Variants in KALRN observed in about 807,000 individuals in gnomAD.
KALRN encodes the protein kalirin.
A neutral mutation model predicts 353.7 loss-of-function variants in KALRN; 70 were observed. The observed-to-expected ratio is 0.20, with a 90% CI of 0.16 to 0.24. The LOEUF (loss-of-function observed/expected upper bound fraction) is 0.24, where lower values mean the gene tolerates loss of function less well. Among genes scored for constraint, KALRN ranks in the 10% least tolerant of loss-of-function variants. The pLI, the probability that KALRN is intolerant of heterozygous loss-of-function variation, is 1.00. For synonymous variants in KALRN, 1,391 were observed against 1,434.8 expected (o/e 0.97, Z 0.69); for missense variants, 2,791 against 3,756.7 (o/e 0.74, Z 6.72).
intron 5 of KALRN, among the ~76,000 whole-genome samples, chr3:124,270,526 A>T (rs535317302): frequency 2.6e-5 from 4 of 152,152 alleles, no homozygotes; most frequent in African/African-American, 9.6e-5. Flanking sequence ...TAGTATATGC[A>T]GTTTTTTTAA....
intron 54 of KALRN, 90 bp downstream of exon 54, chr3:124,696,345 A>T (rs1415401414): frequency 1.5e-6 from 2 of 1,311,096 alleles, no homozygotes; most frequent in South Asian, 1.5e-5. Flanking sequence ...ATCTCTGTTC[A>T]TGGCAGCCTT....
At chr3:124,485,885 AAAG>A (rs763433438) in intron 28 of KALRN, among the ~76,000 whole-genome samples, 43 of 152,228 alleles carry the variant, frequency 2.8e-4, no homozygotes, top group East Asian at 1.9e-4. Context: ...GTCTCAAAAA[AAAG>A]AAGAAGATAG....
intron 10 of KALRN, among the ~76,000 whole-genome samples, chr3:124,366,728 C>A (rs913657901): frequency 6.6e-6 from 1 of 152,154 alleles, no homozygotes; most frequent in Non-Finnish European, 1.5e-5. Flanking sequence ...GGCACACCTC[C>A]CAGACGGGGT....
At chr3:124,591,118 G>A (rs961090960) in intron 34 of KALRN, among the ~76,000 whole-genome samples, 2 of 152,168 alleles carry the variant, frequency 1.3e-5, no homozygotes, top group Non-Finnish European at 2.9e-5. Flanking sequence ...AAATGTACCT[G>A]CTTTCAAATG....
intron 3 of KALRN, among the ~76,000 whole-genome samples, chr3:124,236,830 C>A (rs2079833766): frequency 6.6e-6 from 1 of 152,182 alleles, no homozygotes; most frequent in Non-Finnish European, 1.5e-5. Flanking sequence ...ACACAAGATG[C>A]AGGCTCTCTG....
chr3:124,388,123 TC>T (rs2149983321), intron 11 of KALRN, among the ~76,000 whole-genome samples: 1 of 152,234 alleles, frequency 6.6e-6, no homozygotes, highest in Admixed American at 6.5e-5. Context: ...AGGTCTGATT[TC>T]CAGATCTATT....
At chr3:124,564,654 TG>T (rs1351874442) in intron 34 of KALRN, among the ~76,000 whole-genome samples, 5 of 152,218 alleles carry the variant, frequency 3.3e-5, no homozygotes, top group Non-Finnish European at 5.9e-5. Flanking sequence ...CACTCCAGAC[TG>T]GGTGACAGAG....
chr3:124,410,211 C>A (rs1017029126), intron 13 of KALRN: 7 of 533,068 alleles, frequency 1.3e-5, no homozygotes, highest in Non-Finnish European at 2.7e-5. Flanking sequence ...CTCACCAGGA[C>A]CGTCGGCACC....
At chr3:124,543,593 G>A (rs148116519) in intron 33 of KALRN, among the ~76,000 whole-genome samples, 6 of 152,012 alleles carry the variant, frequency 3.9e-5, no homozygotes, top group African/African-American at 1.4e-4. Flanking sequence ...GAGCCACCGC[G>A]CCCGGCCTTG....
At chr3:124,162,544 C>G (rs1045355337) in intron 1 of KALRN, 8 of 152,344 alleles carry the variant, frequency 5.3e-5, no homozygotes, top group African/African-American at 1.7e-4. Flanking sequence ...AATCCCTGCT[C>G]TGAGGCAAAG....
intron 5 of KALRN, among the ~76,000 whole-genome samples, chr3:124,289,861 A>C (rs2076275856): frequency 6.6e-6 from 1 of 152,220 alleles, no homozygotes; most frequent in Non-Finnish European, 1.5e-5. Flanking sequence ...CAGGCACATG[A>C]AATAAGACAT....
chr3:124,522,903 TCAGAAGC>T (rs1460311870), intron 33 of KALRN, among the ~76,000 whole-genome samples: 2 of 152,174 alleles, frequency 1.3e-5, no homozygotes, highest in African/African-American at 4.8e-5. Context: ...GGGGTAAGTT[TCAGAAGC>T]CACAGCCAAA....
chr3:124,666,403 G>T (rs76992353), intron 45 of KALRN, 46 bp from the exon 46 acceptor site: 43,034 of 1,571,238 alleles, frequency 0.027, 797 homozygotes, highest in East Asian at 0.095. Flanking sequence ...GCAGTGGCTC[G>T]CTCCCCATTT....
intron 33 of KALRN, among the ~76,000 whole-genome samples, chr3:124,505,840 T>C (rs970606171): frequency 6.6e-6 from 1 of 152,192 alleles, no homozygotes; most frequent in African/African-American, 2.4e-5. Context: ...CTTGGAAAGA[T>C]CTTGTTGACC....
chr3:124,434,433 G>C lies in KALRN; in HGVS notation c.2956G>C (p.Val986Leu), dbSNP rs761899767. The change falls in exon 17 of 60, where the codon GTG (valine) becomes CTG (leucine). Residue 986 changes from valine (V) to leucine (L), a missense_variant. Physicochemically the swap from Val to Leu is conservative, Grantham distance 32. Transcript: ENST00000682506. ...ADAIRECAEK[V>L]ALHWQQLMLK... ...TGCCATCCGGGAATGTGCTGAGAAGGTGGCCCTCCACTGGCAGCAGCTCAT... is the reference window on the plus strand; with the variant it reads ...TGCCATCCGGGAATGTGCTGAGAAGCTGGCCCTCCACTGGCAGCAGCTCAT... 9.3e-6 allele frequency: 15 copies of C among 1,614,224 alleles called. No individual in the cohort carries two copies. Among genetic ancestry groups the C allele is most frequent in the Non-Finnish European group, 1.2e-5 (14 of 1,180,018 alleles).
chr3:124,368,355 G>A (rs1221520958), intron 10 of KALRN, among the ~76,000 whole-genome samples: 11 of 148,052 alleles, frequency 7.4e-5, no homozygotes, highest in South Asian at 2.1e-4. Flanking sequence ...CGGGGCGGCC[G>A]GGCAGAGACG....
intron 6 of KALRN, among the ~76,000 whole-genome samples, chr3:124,303,314 A>G (rs1263207653): frequency 4.6e-5 from 7 of 152,218 alleles, no homozygotes; most frequent in Admixed American, 1.3e-4. Flanking sequence ...AATAACAACA[A>G]CCCACCTACT....
intron 9 of KALRN, among the ~76,000 whole-genome samples, chr3:124,338,658 G>A (rs1431146185): frequency 1.6e-4 from 24 of 152,128 alleles, no homozygotes; most frequent in Admixed American, 1.5e-3. Flanking sequence ...AGGTCCGCTT[G>A]GTCCAGAGCT....
At chr3:124,652,664 C>T (rs1344697348) in intron 38 of KALRN, among the ~76,000 whole-genome samples, 2 of 152,122 alleles carry the variant, frequency 1.3e-5, no homozygotes, top group Non-Finnish European at 2.9e-5. Context: ...GCAAGCTCCG[C>T]CTCCCGGGTT....
Sources: gnomAD v4.1 joint callset for allele counts (sites outside exome capture counted in the v4.1 genomes callset) on GRCh38, gnomAD v4.1.1 for gene constraint, MANE v1.5 for transcripts, NCBI Gene and HGNC (gene_info 2026-07-23, HGNC 2026-07-21) for gene names.